Variants in DTWD2 observed in about 807,000 individuals in gnomAD.
DTWD2 encodes DTW motif tRNA-uridine aminocarboxypropyltransferase 2, also known as tRNA-uridine aminocarboxypropyltransferase 2.
A neutral mutation model predicts 31.8 loss-of-function variants in DTWD2; 39 were observed. That is an observed-to-expected ratio of 1.22 (90% CI 0.95 to 1.60). DTWD2 has a LOEUF of 1.60. Among genes scored for constraint, DTWD2 ranks in the 40% most tolerant of loss-of-function variants. DTWD2 has a pLI of 0.00. For synonymous variants in DTWD2, 180 were observed against 142.8 expected, an observed-to-expected ratio of 1.26 and a Z score of -1.86; for missense variants, 515 against 381.5, an observed-to-expected ratio of 1.35 and a Z score of -2.92.
At position 118,985,953 on chromosome 5, in the gene DTWD2, T is replaced by A. The variant is rs565233184; in HGVS notation, c.218+2341A>T. Among the ~76,000 whole-genome samples the A allele has an allele frequency of 1.0e-3, 159 of 152,312 alleles. 1 individual carries two copies. The highest frequency in any genetic ancestry group is 0.01 in the Admixed American group (157 of 15,292). On this transcript the variant is annotated intron_variant, in intron 1 of 5. Transcript: ENST00000510708. ...TTTAAATAGATATGCCACTTTCCAC[T>A]AGATCCTGATATTCAGGAGAACTGA...
chr5:118,845,091 G>C (rs1011537248), intron 5 of DTWD2, among the ~76,000 whole-genome samples: 1 of 152,010 alleles, frequency 6.6e-6, no homozygotes, highest in African/African-American at 2.4e-5. Flanking sequence ...AAGTTGCAGT[G>C]AATCAAGATC....
intron 1 of DTWD2, among the ~76,000 whole-genome samples, chr5:118,957,380 C>G (rs1754610423): frequency 6.6e-6 from 1 of 151,982 alleles, no homozygotes; most frequent in South Asian, 2.1e-4. Context: ...CGCCACCATG[C>G]CTGGCTAATT....
intron 4 of DTWD2, among the ~76,000 whole-genome samples, chr5:118,859,194 G>C (rs1752203457): frequency 6.7e-6 from 1 of 149,184 alleles, no homozygotes; most frequent in Non-Finnish European, 1.5e-5. Flanking sequence ...TATCTAGCTG[G>C]AATTCTTGAA....
At chr5:118,969,650 C>A (rs974677470) in intron 1 of DTWD2, among the ~76,000 whole-genome samples, 5 of 152,110 alleles carry the variant, frequency 3.3e-5, no homozygotes, top group Admixed American at 2.6e-4. Context: ...ACAATAACAT[C>A]AACAAAGAAG....
At chr5:118,878,849 A>G (rs1752676177) in intron 4 of DTWD2, among the ~76,000 whole-genome samples, 1 of 152,230 alleles carries the variant, frequency 6.6e-6, no homozygotes, top group Admixed American at 6.5e-5. Flanking sequence ...GAACACTTCA[A>G]AAGAAGACAT....
chr5:118,959,213 A>G (rs1477890194), intron 1 of DTWD2, among the ~76,000 whole-genome samples: 1 of 152,218 alleles, frequency 6.6e-6, no homozygotes, highest in Non-Finnish European at 1.5e-5. Context: ...TAGTCTGCCC[A>G]AAAGCTCCTA....
At chr5:118,978,983 G>A (rs1561480604) in intron 1 of DTWD2, among the ~76,000 whole-genome samples, 1 of 150,608 alleles carries the variant, frequency 6.6e-6, no homozygotes, top group Non-Finnish European at 1.5e-5. Flanking sequence ...TCCAGCCTGG[G>A]TTACACAGTG....
rs768981381 is a variant in DTWD2 at position 118,944,591 on chromosome 5, T to G, written c.277A>C (p.Thr93Pro). 1 of 1,613,478 alleles carries G rather than the reference T, an allele frequency of 6.2e-7. No homozygotes were observed. Among genetic ancestry groups the G allele is most frequent in the Non-Finnish European group, 8.5e-7 (1 of 1,179,716 alleles). The change falls in exon 2 of 6, where the codon ACC becomes CCC. Residue 93 changes from threonine (T) to proline (P), a missense_variant. Coordinates refer to ENST00000510708, the MANE Select transcript of DTWD2 (RefSeq NM_173666.4). ...FLPAHPLHIS[T>P]HLYIIQHPAE... ...GGATGCTGAATTATGTACAAGTGGG[T>G]AGAGATATGCAGAGGGTGCGCTGGG...
intron 4 of DTWD2, among the ~76,000 whole-genome samples, chr5:118,854,674 T>A (rs1418135121): frequency 6.6e-6 from 1 of 152,144 alleles, no homozygotes; most frequent in Non-Finnish European, 1.5e-5. Flanking sequence ...TGGAGATTTA[T>A]TCTCCCACAA....
At chr5:118,842,664 C>A (rs956327227) in intron 5 of DTWD2, among the ~76,000 whole-genome samples, 2 of 152,024 alleles carry the variant, frequency 1.3e-5, no homozygotes. Context: ...GTAATATACA[C>A]CCCCACATCT....
In DTWD2 at chr5:118,848,545, G is replaced by T. The variant is rs190109016; in HGVS notation, c.598-327C>A. ...AAAAAAGTGTTCAACATGATCTAAT[G>T]TAAATTAAAACCACAATGGGGTAAC... On this transcript the variant is annotated intron_variant, in intron 4 of 5. Transcript: ENST00000510708. 3.9e-3 allele frequency among the ~76,000 whole-genome samples: 597 copies of T among 152,204 alleles called. 7 individuals carry two copies. The highest frequency in any genetic ancestry group is 5.9e-3 in the Non-Finnish European group (398 of 67,972).
intron 1 of DTWD2, among the ~76,000 whole-genome samples, chr5:118,967,492 C>G (rs1204539311): frequency 1.3e-5 from 2 of 152,120 alleles, no homozygotes; most frequent in African/African-American, 4.8e-5. Flanking sequence ...TAAGATAAGC[C>G]TGGATCATCT....
chr5:118,908,504 A>G (rs1417435931), intron 4 of DTWD2, among the ~76,000 whole-genome samples: 1 of 152,204 alleles, frequency 6.6e-6, no homozygotes, highest in Non-Finnish European at 1.5e-5. Context: ...TTTCAAACAC[A>G]TATCTTCTAA....
chr5:118,966,708 C>T (rs893807249), intron 1 of DTWD2, among the ~76,000 whole-genome samples: 2 of 152,014 alleles, frequency 1.3e-5, no homozygotes, highest in Non-Finnish European at 2.9e-5. Context: ...GTTGCTTTCC[C>T]TAACAGTTCT....
chr5:118,950,013 A>G (rs1161160595), intron 1 of DTWD2, among the ~76,000 whole-genome samples: 2 of 152,124 alleles, frequency 1.3e-5, no homozygotes, highest in Non-Finnish European at 2.9e-5. Context: ...GATCGAGACC[A>G]TCCTGGCTAA....
chr5:118,853,171 T>C (rs1196863679), intron 4 of DTWD2, among the ~76,000 whole-genome samples: 1 of 152,148 alleles, frequency 6.6e-6, no homozygotes, highest in East Asian at 1.9e-4. Context: ...TCACACAATA[T>C]ACCCATGCAA....
intron 4 of DTWD2, among the ~76,000 whole-genome samples, chr5:118,874,038 C>A (rs1309336080): frequency 6.6e-6 from 1 of 152,176 alleles, no homozygotes; most frequent in Non-Finnish European, 1.5e-5. Context: ...AGTCTGGGTG[C>A]AATACAAGTC....
chr5:118,854,253 T>C (rs923173377), intron 4 of DTWD2, among the ~76,000 whole-genome samples: 5 of 152,272 alleles, frequency 3.3e-5, no homozygotes, highest in East Asian at 1.9e-4. Flanking sequence ...TTATAAAATA[T>C]GTCATGCTTA....
intron 1 of DTWD2, 78 bp from the exon 2 acceptor site, chr5:118,944,727 C>T: frequency 7.5e-7 from 1 of 1,335,308 alleles, no homozygotes; most frequent in Non-Finnish European, 1.0e-6. Context: ...TGACCTTAAT[C>T]CCACTGCATT....
Sources: allele counts gnomAD v4.1 joint callset (sites outside exome capture counted in the v4.1 genomes callset), GRCh38; gene constraint gnomAD v4.1.1; transcripts MANE v1.5; gene names NCBI Gene and HGNC (gene_info 2026-07-23, HGNC 2026-07-21).